IGSF3: variants seen among roughly 807,000 people sequenced by gnomAD.
IGSF3 encodes the protein glu-Trp-Ile EWI motif-containing protein 3.
IGSF3 carries 23 observed loss-of-function variants against 114.4 expected under a neutral mutation model. The ratio of observed to expected loss-of-function variants is 0.20; its 90% CI spans 0.14 to 0.28. The LOEUF is 0.28. IGSF3 is among the 10% of genes least tolerant of loss of function. IGSF3 has a pLI of 1.00. For missense variants in IGSF3, 1,172 were observed against 1,591.5 expected (o/e 0.74, Z 4.48); for synonymous variants, 571 against 645.2 (o/e 0.88, Z 1.74).
In IGSF3 at chr1:116,610,091, T is replaced by G. The variant is rs534428026; in HGVS notation, c.833-1760A>C. 1.8e-4 allele frequency among the ~76,000 whole-genome samples: 27 copies of G among 152,322 alleles called. No homozygotes were observed. The South Asian group carries it at 5.6e-3, about 32-fold the overall frequency. ...GAGACCAGTCTTAAGAGGCATGGATTGAAGGAAGCACATTTCACTCTGCCA... is the reference window on the plus strand; with the variant it reads ...GAGACCAGTCTTAAGAGGCATGGATGGAAGGAAGCACATTTCACTCTGCCA... On this transcript the variant is annotated intron_variant, in intron 4 of 10. Coordinates refer to ENST00000369486, the MANE Select transcript of IGSF3 (RefSeq NM_001007237.3). The surrounding 1 kb of genome is among the most constrained non-coding windows in gnomAD (Gnocchi z 4.3).
In IGSF3 at chr1:116,577,542, T is replaced by C; in HGVS notation, c.3355A>G (p.Ile1119Val). The change falls in exon 11 of 11, where the codon ATC (isoleucine) becomes GTC (valine). Residue 1119 changes from isoleucine (I) to valine (V), a missense_variant. Ile to Val is a conservative substitution (Grantham distance 29, BLOSUM62 3). Around this residue, in one of 3 missense-constraint regions of IGSF3, gnomAD observed 423 missense variants for 509.8 expected, o/e 0.83. Coordinates refer to ENST00000369486, the MANE Select transcript of IGSF3 (RefSeq NM_001007237.3). The surrounding 1 kb of genome is among the most constrained non-coding windows in gnomAD (Gnocchi z 5.7). ...TAGAAGAGTGCGTCGTTGGAGCAGA[T>C]GATGGACTGGAGGGTGGGACCTGAA... is the stretch of plus-strand genomic sequence containing the variant. ...LDTSPTLQSI[I>V]CSNDALFYFV... 1.2e-6 allele frequency: 2 copies of C among 1,614,022 alleles called. No homozygotes were observed. Among genetic ancestry groups the C allele is most frequent in the South Asian group, 1.1e-5 (1 of 91,084 alleles).
At position 116,655,097 on chromosome 1, in the gene IGSF3, T is replaced by G. The variant is rs949646996; in HGVS notation, c.43+11187A>C. On this transcript the variant is annotated intron_variant, in intron 2 of 10. Coordinates refer to ENST00000369486, the MANE Select transcript of IGSF3 (RefSeq NM_001007237.3). This position sits in a 1 kb window ranked among gnomAD's most constrained non-coding sequence, Gnocchi z 4.3. ...AGTGTATTTAATTAATCCTTCTATT[T>G]ATTAAAGATTAAAAATACATATCAG... is the stretch of plus-strand genomic sequence containing the variant. Among the ~76,000 whole-genome samples the G allele has an allele frequency of 1.1e-4, 16 of 152,344 alleles. No homozygotes were observed. Among genetic ancestry groups the G allele is most frequent in the Admixed American group, 1.3e-4 (2 of 15,302 alleles).
At position 116,599,393 on chromosome 1, in the gene IGSF3, C is replaced by T. The variant is rs536592949; in HGVS notation, c.2029+548G>A. ...CCATGTCTACAGACACATACATATA[C>T]ACACACACACACACACACACACACA... On this transcript the variant is annotated intron_variant, in intron 7 of 10. Coordinates refer to ENST00000369486, the MANE Select transcript of IGSF3 (RefSeq NM_001007237.3). Among the ~76,000 whole-genome samples, 13 of 118,690 alleles carry T rather than the reference C, an allele frequency of 1.1e-4. No individual in the cohort carries two copies. In the East Asian group the frequency reaches 1.4e-3, roughly 13 times the overall value. 77.9% of individuals were successfully genotyped at this position (118,690 alleles called of 152,430 possible).
At chr1:116,621,131 CCTCT>C (rs1262978818) in intron 2 of IGSF3, among the ~76,000 whole-genome samples, 3 of 151,966 alleles carry the variant, frequency 2.0e-5, no homozygotes, top group Non-Finnish European at 4.4e-5. Flanking sequence ...GCACCTCCCC[CCTCT>C]CTCTCTTGCT....
chr1:116,645,275 T>C (rs1648309149), intron 2 of IGSF3, among the ~76,000 whole-genome samples: 2 of 152,264 alleles, frequency 1.3e-5, no homozygotes, highest in African/African-American at 4.8e-5. Context: ...CACTGTAGGA[T>C]GCCATGTGCA....
In IGSF3 at chr1:116,588,155, C is replaced by T. The variant is rs1421442429; in HGVS notation, c.2440+539G>A. On this transcript the variant is annotated intron_variant, in intron 8 of 10. Transcript: ENST00000369486. The surrounding 1 kb of genome is among the most constrained non-coding windows in gnomAD (Gnocchi z 4.9). ...AAGCATTCTGGCAGAGGTTGAGTGC[C>T]ACCTGTGAGGGAGAGGAATAAGGGC... Among the ~76,000 whole-genome samples the T allele has an allele frequency of 2.6e-5, 4 of 152,128 alleles. No individual in the cohort carries two copies. The highest frequency in any genetic ancestry group is 5.9e-5 in the Non-Finnish European group (4 of 68,012).
chr1:116,659,475 G>C (rs960640482), intron 2 of IGSF3, among the ~76,000 whole-genome samples: 2 of 152,072 alleles, frequency 1.3e-5, no homozygotes, highest in Non-Finnish European at 2.9e-5. Context: ...AAAATCAGGG[G>C]GCATTCACAC....
rs1648153400 is a variant in IGSF3 at position 116,642,460 on chromosome 1, G to C, written c.43+23824C>G. Among the ~76,000 whole-genome samples, 1 of 152,164 alleles carries C rather than the reference G, an allele frequency of 6.6e-6. No individual in the cohort carries two copies. The highest frequency in any genetic ancestry group is 1.5e-5 in the Non-Finnish European group (1 of 68,038). ...GCTTAGGGGAAGGGGCTCAGGCACT[G>C]GGAGTCGGTCAGGGCTCCCAGAATG... On this transcript the variant is annotated intron_variant, in intron 2 of 10. Coordinates refer to ENST00000369486, the MANE Select transcript of IGSF3 (RefSeq NM_001007237.3). The surrounding 1 kb of genome is among the most constrained non-coding windows in gnomAD (Gnocchi z 5.4).
chr1:116,633,544 A>G lies in IGSF3; in HGVS notation c.44-17087T>C, dbSNP rs1487121246. Reference sequence around the variant, plus strand: ...CATTTCCCTAACTATATATTCCCCTATGCCATGGAAAGGTGCATGTAAGTG... The same window carrying G: ...CATTTCCCTAACTATATATTCCCCTGTGCCATGGAAAGGTGCATGTAAGTG... On this transcript the variant is annotated intron_variant, in intron 2 of 10. Transcript: ENST00000369486. The surrounding 1 kb of genome is among the most constrained non-coding windows in gnomAD (Gnocchi z 4.3). 2.6e-5 allele frequency among the ~76,000 whole-genome samples: 4 copies of G among 152,078 alleles called. No homozygotes were observed. Among genetic ancestry groups the G allele is most frequent in the African/African-American group, 4.8e-5 (2 of 41,400 alleles).
Position 116,574,625 on chromosome 1 carries a change from C to T in IGSF3, c.*2687G>A, listed in dbSNP as rs1357183746. On this transcript the variant is annotated 3_prime_UTR_variant, in exon 11 of 11. Transcript: ENST00000369486. This position sits in a 1 kb window ranked among gnomAD's most constrained non-coding sequence, Gnocchi z 5.2. ...TATGAAAACTTGCTACAGAAACACC[C>T]GGTGAAAGAGGGTGTGGTCATATTC... The T allele has an allele frequency of 1.3e-5, 2 of 152,560 alleles. No homozygotes were observed. The highest frequency in any genetic ancestry group is 2.4e-5 in the African/African-American group (1 of 41,426). The allele number at this position is 152,560 out of a possible 1,614,324, so 9.5% of individuals were successfully genotyped here. A position where few individuals can be genotyped will look rare whatever the true frequency, so the allele number is the denominator to read the frequency against.
intron 7 of IGSF3, among the ~76,000 whole-genome samples, chr1:116,591,524 G>A (rs1421868293): frequency 1.3e-5 from 2 of 152,212 alleles, no homozygotes; most frequent in Non-Finnish European, 2.9e-5. Flanking sequence ...ATGAATTCAA[G>A]GAAGAGAAAT....
Position 116,615,532 on chromosome 1 carries a change from C to G in IGSF3, c.421+548G>C, listed in dbSNP as rs1285260421. ...GTGCTGCCCACAATGGAAGCTCCTG[C>G]ATCCCTCTTCCTCATGTTTCCTTCA... is the stretch of plus-strand genomic sequence containing the variant. On this transcript the variant is annotated intron_variant, in intron 3 of 10. Transcript: ENST00000369486. The surrounding 1 kb of genome is among the most constrained non-coding windows in gnomAD (Gnocchi z 4.3). Among the ~76,000 whole-genome samples the G allele has an allele frequency of 6.6e-6, 1 of 152,196 alleles. No individual in the cohort carries two copies. Among genetic ancestry groups the G allele is most frequent in the Non-Finnish European group, 1.5e-5 (1 of 68,030 alleles).
Position 116,596,183 on chromosome 1 carries a change from C to A in IGSF3, c.2029+3758G>T, listed in dbSNP as rs181641958. Among the ~76,000 whole-genome samples the A allele has an allele frequency of 2.6e-5, 4 of 152,248 alleles. No homozygotes were observed. Among genetic ancestry groups the A allele is most frequent in the Admixed American group, 2.6e-4 (4 of 15,294 alleles). On this transcript the variant is annotated intron_variant, in intron 7 of 10. Coordinates refer to ENST00000369486, the MANE Select transcript of IGSF3 (RefSeq NM_001007237.3). This position sits in a 1 kb window ranked among gnomAD's most constrained non-coding sequence, Gnocchi z 4.1. ...GCACAGACCACAAAGAAGCTTGCTG[C>A]GATAAATGATATCACAGCAGTGGAA...
rs1312769313 is a variant in IGSF3 at position 116,657,313 on chromosome 1, A to T, written c.43+8971T>A. Among the ~76,000 whole-genome samples, 1 of 152,194 alleles carries T rather than the reference A, an allele frequency of 6.6e-6. No homozygotes were observed. The highest frequency in any genetic ancestry group is 1.5e-5 in the Non-Finnish European group (1 of 68,034). On this transcript the variant is annotated intron_variant, in intron 2 of 10. Coordinates refer to ENST00000369486, the MANE Select transcript of IGSF3 (RefSeq NM_001007237.3). The surrounding 1 kb of genome is among the most constrained non-coding windows in gnomAD (Gnocchi z 4.2). Reference sequence around the variant, plus strand: ...ATCAAGGTCACCAATGCAAAGAAGTAGTGGGCAAACACCACCCAGGTTATC... The same window carrying T: ...ATCAAGGTCACCAATGCAAAGAAGTTGTGGGCAAACACCACCCAGGTTATC...
intron 8 of IGSF3, among the ~76,000 whole-genome samples, chr1:116,586,877 C>T (rs1272238068): frequency 6.6e-6 from 1 of 152,034 alleles, no homozygotes; most frequent in East Asian, 1.9e-4. Flanking sequence ...TCAAAAGCCC[C>T]AGGGACTGGC....
intron 2 of IGSF3, among the ~76,000 whole-genome samples, chr1:116,653,221 A>G (rs2101073242): frequency 6.6e-6 from 1 of 152,352 alleles, no homozygotes; most frequent in East Asian, 1.9e-4. Flanking sequence ...CAGAGTAAAA[A>G]GCCTACTTGA....
chr1:116,605,989 T>C lies in IGSF3; in HGVS notation c.1222+1953A>G, dbSNP rs920492956. ...TAGAATGTGGGGCTACAAGAAGAAA[T>C]GCTATTTTATTATAGCAGCTGAGGC... On this transcript the variant is annotated intron_variant, in intron 5 of 10. Coordinates refer to ENST00000369486, the MANE Select transcript of IGSF3 (RefSeq NM_001007237.3). This position sits in a 1 kb window ranked among gnomAD's most constrained non-coding sequence, Gnocchi z 5.1. Among the ~76,000 whole-genome samples, 7 of 152,170 alleles carry C rather than the reference T, an allele frequency of 4.6e-5. No individual in the cohort carries two copies. Among genetic ancestry groups the C allele is most frequent in the Admixed American group, 1.3e-4 (2 of 15,274 alleles).
rs1266275831 is a variant in IGSF3 at position 116,614,538 on chromosome 1, C to T, written c.422-363G>A. On this transcript the variant is annotated intron_variant, in intron 3 of 10. Coordinates refer to ENST00000369486, the MANE Select transcript of IGSF3 (RefSeq NM_001007237.3). The surrounding 1 kb of genome is among the most constrained non-coding windows in gnomAD (Gnocchi z 4.5). ...TTGATTCTGGCACTTCTCTGAGATACTTTAACTTCACTTCTGACTGATCCT... is the reference window on the plus strand; with the variant it reads ...TTGATTCTGGCACTTCTCTGAGATATTTTAACTTCACTTCTGACTGATCCT... Among the ~76,000 whole-genome samples, 2 of 152,216 alleles carry T rather than the reference C, an allele frequency of 1.3e-5. No individual in the cohort carries two copies. Among genetic ancestry groups the T allele is most frequent in the Non-Finnish European group, 2.9e-5 (2 of 68,036 alleles).
chr1:116,613,823 C>A lies in IGSF3; in HGVS notation c.774G>T (p.Ser258=), dbSNP rs190957846. Residue 258 remains serine (S), a synonymous_variant, in exon 4 of 11, where the codon TCG becomes TCT. Transcript: ENST00000369486. ...AACGCTTTCGGGTCATAGCATACCA[C>A]GACCCATCCGGATCCTGGATCCACT... is the stretch of plus-strand genomic sequence containing the variant. ...AAEWIQDPDG[S]WYAMTRKRSE... 1.2e-6 allele frequency: 2 copies of A among 1,613,812 alleles called. No individual in the cohort carries two copies. Among genetic ancestry groups the A allele is most frequent in the South Asian group, 1.1e-5 (1 of 91,078 alleles).
Sources: allele counts gnomAD v4.1 joint callset (sites outside exome capture counted in the v4.1 genomes callset), GRCh38; gene constraint gnomAD v4.1.1; regional missense constraint gnomAD v4.1.1; non-coding constraint Gnocchi (gnomAD v3.1); transcripts MANE v1.5; gene names NCBI Gene and HGNC (gene_info 2026-07-23, HGNC 2026-07-21).